PNLIPRP3: variants seen among roughly 807,000 people sequenced by gnomAD.
The protein encoded by PNLIPRP3 is pancreatic lipase related protein 3, also known as pancreatic lipase-related protein 3.
A neutral mutation model predicts 52.8 loss-of-function variants in PNLIPRP3; 58 were observed. The observed-to-expected ratio is 1.10, with a 90% CI of 0.89 to 1.37. The LOEUF (loss-of-function observed/expected upper bound fraction) is 1.37, where lower values mean the gene tolerates loss of function less well. PNLIPRP3 is among the 40% of genes most tolerant of loss of function. The probability of loss-of-function intolerance (pLI) is 0.00; values close to 1 mark genes in which losing one functional copy is unlikely to be tolerated. For synonymous variants in PNLIPRP3, 192 were observed against 185.0 expected, an observed-to-expected ratio of 1.04 and a Z score of -0.31; for missense variants, 593 against 561.6, an observed-to-expected ratio of 1.06 and a Z score of -0.57.
chr10:116,461,828 C>A (rs982858993), intron 7 of PNLIPRP3, among the ~76,000 whole-genome samples: 2 of 152,068 alleles, frequency 1.3e-5, no homozygotes, highest in African/African-American at 4.8e-5. Flanking sequence ...AAGGAGTTAG[C>A]CTTATAGACA....
At chr10:116,476,546 T>C in intron 10 of PNLIPRP3, 106 bp from the exon 11 acceptor site, 1 of 836,702 alleles carries the variant, frequency 1.2e-6, no homozygotes. Context: ...AAGCAAATGC[T>C]AGCAAATACA....
At chr10:116,439,992 G>T in intron 2 of PNLIPRP3, 1 of 783,266 alleles carries the variant, frequency 1.3e-6, no homozygotes, top group Admixed American at 1.7e-5. Context: ...TCTGCACGAA[G>T]AAGGCATAAG....
intron 1 of PNLIPRP3, among the ~76,000 whole-genome samples, chr10:116,435,560 G>A (rs922062139): frequency 1.3e-5 from 2 of 152,124 alleles, no homozygotes; most frequent in Admixed American, 6.6e-5. Context: ...GTTATCTCTC[G>A]GCTTCAAGCC....
chr10:116,469,226 G>A lies in PNLIPRP3; in HGVS notation c.969G>A (p.Met323Ile). Residue 323 changes from methionine to isoleucine, a missense_variant, in exon 9 of 12, where the codon ATG (methionine) becomes ATA (isoleucine). Transcript: ENST00000369230. ...FFCSKEGCPTMGHFADRFHFK... is the reference protein window; with the variant it reads ...FFCSKEGCPTIGHFADRFHFK... ...GTTCCAAAGAAGGTTGCCCAACAAT[G>A]GGTCATTTTGCTGATAGATTTCACT... 1 of 1,612,262 alleles carries A rather than the reference G, an allele frequency of 6.2e-7. No individual in the cohort carries two copies. The highest frequency in any genetic ancestry group is 8.5e-7 in the Non-Finnish European group (1 of 1,179,372).
chr10:116,429,666 C>T (rs1240613260), intron 1 of PNLIPRP3, among the ~76,000 whole-genome samples: 2 of 152,162 alleles, frequency 1.3e-5, no homozygotes, highest in Non-Finnish European at 2.9e-5. Context: ...CATGATTCTC[C>T]TGCCCCAGGA....
intron 2 of PNLIPRP3, among the ~76,000 whole-genome samples, chr10:116,440,620 C>T (rs940923143): frequency 6.6e-6 from 1 of 152,212 alleles, no homozygotes; most frequent in Non-Finnish European, 1.5e-5. Flanking sequence ...AGTTAACATA[C>T]TCTCTTCTCC....
At chr10:116,430,375 TATG>T (rs1186076437) in intron 1 of PNLIPRP3, among the ~76,000 whole-genome samples, 1 of 152,078 alleles carries the variant, frequency 6.6e-6, no homozygotes, top group Non-Finnish European at 1.5e-5. Flanking sequence ...GAAAATATGA[TATG>T]ATGGCTGGGT....
intron 5 of PNLIPRP3, among the ~76,000 whole-genome samples, chr10:116,456,148 C>A (rs1846110344): frequency 6.6e-6 from 1 of 152,058 alleles, no homozygotes; most frequent in Non-Finnish European, 1.5e-5. Flanking sequence ...TGAGGTTTAC[C>A]TAGACGTAGG....
intron 2 of PNLIPRP3, 63 bp from the exon 3 acceptor site, chr10:116,442,992 T>A (rs1249144620): frequency 7.6e-7 from 1 of 1,315,170 alleles, no homozygotes; most frequent in African/African-American, 1.5e-5. Flanking sequence ...TTAGAATAGG[T>A]CTACTAACTA....
At chr10:116,438,974 C>G (rs1246481808) in intron 2 of PNLIPRP3, among the ~76,000 whole-genome samples, 1 of 152,026 alleles carries the variant, frequency 6.6e-6, no homozygotes, top group Non-Finnish European at 1.5e-5. Context: ...TGCTAATAAG[C>G]CAGACACAAA....
intron 4 of PNLIPRP3, among the ~76,000 whole-genome samples, chr10:116,455,419 C>A (rs1349537796): frequency 6.6e-6 from 1 of 152,174 alleles, no homozygotes; most frequent in Non-Finnish European, 1.5e-5. Context: ...CAGGAAGGAT[C>A]AGCATGGAGC....
chr10:116,445,149 T>G (rs1431484), intron 4 of PNLIPRP3, among the ~76,000 whole-genome samples: 2,224 of 151,816 alleles, frequency 0.015, 31 homozygotes, highest in Non-Finnish European at 0.019. Context: ...AATATATATT[T>G]CACTCTGCAC....
intron 4 of PNLIPRP3, among the ~76,000 whole-genome samples, chr10:116,454,332 C>A (rs184262111): frequency 6.6e-6 from 1 of 152,200 alleles, no homozygotes; most frequent in African/African-American, 2.4e-5. Context: ...GTTGGTCAGG[C>A]TGGTCTCGAA....
chr10:116,460,860 G>A, intron 5 of PNLIPRP3, 106 bp from the exon 6 acceptor site: 1 of 1,450,088 alleles, frequency 6.9e-7, no homozygotes, highest in Non-Finnish European at 9.3e-7. Context: ...TTTCCTGAGT[G>A]ATCTTTGATT....
chr10:116,443,799 GTGCA>G (rs1192189273), intron 3 of PNLIPRP3, among the ~76,000 whole-genome samples: 403 of 7,686 alleles, frequency 0.052, 9 homozygotes, highest in African/African-American at 0.068. Context: ...GTATGTGTGT[GTGCA>G]TATATATATA....
intron 1 of PNLIPRP3, among the ~76,000 whole-genome samples, chr10:116,434,274 A>G (rs1845747321): frequency 6.6e-6 from 1 of 152,182 alleles, no homozygotes; most frequent in Non-Finnish European, 1.5e-5. Flanking sequence ...GGGATTCACC[A>G]TTAATATTTT....
At chr10:116,457,191 C>T (rs1172660407) in intron 5 of PNLIPRP3, among the ~76,000 whole-genome samples, 3 of 152,174 alleles carry the variant, frequency 2.0e-5, no homozygotes, top group South Asian at 2.1e-4. Context: ...ACATGTGCCT[C>T]TTTTGTGTTT....
At chr10:116,471,594 C>T (rs1382062396) in intron 9 of PNLIPRP3, among the ~76,000 whole-genome samples, 174 bp from the exon 10 acceptor site, 1 of 152,036 alleles carries the variant, frequency 6.6e-6, no homozygotes, top group Non-Finnish European at 1.5e-5. Context: ...TATTTTTAAA[C>T]GTAGTTTTTC....
Position 116,443,942 on chromosome 10 carries a change from T to C in PNLIPRP3, c.325-440T>C, listed in dbSNP as rs576786679. ...GTATTACTCCATTTTCATACTGCTA[T>C]AAAGAACTGCCCTAGACTGGGTAAT... is the stretch of plus-strand genomic sequence containing the variant. On this transcript the variant is annotated intron_variant, in intron 3 of 11. Coordinates refer to ENST00000369230, the MANE Select transcript of PNLIPRP3 (RefSeq NM_001011709.3). Among the ~76,000 whole-genome samples, 32 of 151,116 alleles carry C rather than the reference T, an allele frequency of 2.1e-4. 1 individual carries two copies. The highest frequency in any genetic ancestry group is 4.4e-4 in the Non-Finnish European group (30 of 67,942).
Sources: allele counts gnomAD v4.1 joint callset (sites outside exome capture counted in the v4.1 genomes callset), GRCh38; gene constraint gnomAD v4.1.1; transcripts MANE v1.5; gene names NCBI Gene and HGNC (gene_info 2026-07-23, HGNC 2026-07-21).